UNC5C: variants seen among roughly 807,000 people sequenced by gnomAD.
UNC5C encodes the protein unc-5 netrin receptor C, also known as netrin receptor UNC5C.
Under a neutral mutation model 99.8 loss-of-function variants are expected in UNC5C, and 47 were observed. The observed-to-expected ratio is 0.47, with a 90% CI of 0.37 to 0.60. The LOEUF (loss-of-function observed/expected upper bound fraction) is 0.60. Among genes scored for constraint, UNC5C ranks in the 20% least tolerant of loss-of-function variants. UNC5C has a pLI of 0.00. For missense variants in UNC5C, 1,062 were observed against 1,165.9 expected (o/e 0.91, Z 1.30); for synonymous variants, 487 against 452.2 (o/e 1.08, Z -0.98).
At position 95,164,934 on chromosome 4, in the gene UNC5C, C is replaced by A. The variant is rs1282503543; in HGVS notation, c.*4300G>T. 1.3e-5 allele frequency: 2 copies of A among 152,246 alleles called. No individual in the cohort carries two copies. The highest frequency in any genetic ancestry group is 2.9e-5 in the Non-Finnish European group (2 of 68,042). 9.4% of individuals were successfully genotyped at this position (152,246 alleles called of 1,614,324 possible). A position where few individuals can be genotyped will look rare whatever the true frequency, so the allele number is the denominator to read the frequency against. ...ATATAGGTTTATATTTTCCTGGCCC[C>A]ATAGGGGCAGACCTTATAGAGGCAA... On this transcript the variant is annotated 3_prime_UTR_variant, in exon 16 of 16. Coordinates refer to ENST00000453304, the MANE Select transcript of UNC5C (RefSeq NM_003728.4).
At chr4:95,179,015 A>T (rs1384335645) in intron 14 of UNC5C, among the ~76,000 whole-genome samples, 1 of 152,250 alleles carries the variant, frequency 6.6e-6, no homozygotes, top group African/African-American at 2.4e-5. Context: ...TCCAGGTAAA[A>T]GTAGAGTTTA....
At chr4:95,256,987 T>TA (rs2149384811) in intron 4 of UNC5C, among the ~76,000 whole-genome samples, 1 of 152,050 alleles carries the variant, frequency 6.6e-6, no homozygotes, top group Non-Finnish European at 1.5e-5. Flanking sequence ...AGATAGATGG[T>TA]GCTCACCCAG....
rs1364941429 is a variant in UNC5C, at chr4:95,392,429, CATT to C, written c.125-56801_125-56799del. 7.1e-4 allele frequency among the ~76,000 whole-genome samples: 82 copies of C among 115,330 alleles called. 1 individual carries two copies. The highest frequency in any genetic ancestry group is 2.0e-3 in the African/African-American group (53 of 26,530). The allele number at this position is 115,330 out of a possible 152,430, so 75.7% of individuals were successfully genotyped here. The stretch of plus-strand genomic sequence containing the variant: ...TTTTTAAGAGTTTGAAGTATCAAAA[CATT>C]TTTTTTTTTTTTAAAAAAAAAACAG... On this transcript the variant is annotated intron_variant, in intron 1 of 15. Transcript: ENST00000453304.
intron 7 of UNC5C, among the ~76,000 whole-genome samples, chr4:95,228,877 A>G (rs2149372132): frequency 6.6e-6 from 1 of 152,266 alleles, no homozygotes; most frequent in Admixed American, 6.5e-5. Context: ...AAAATTTCCA[A>G]ACAGTGTCTT....
chr4:95,193,690 G>A (rs948834388), intron 12 of UNC5C, among the ~76,000 whole-genome samples: 3 of 152,144 alleles, frequency 2.0e-5, no homozygotes, highest in Non-Finnish European at 4.4e-5. Context: ...AGCTGTGGGG[G>A]CCTGCACTCC....
At position 95,169,178 on chromosome 4, in the gene UNC5C, A is replaced by G. The variant is rs1281138868; in HGVS notation, c.*56T>C. ...TCCTCCTCAGCTGTGATTCACCTGG[A>G]CGGCCACAGACTCCCTGTGCATTTT... On this transcript the variant is annotated 3_prime_UTR_variant, in exon 16 of 16. Transcript: ENST00000453304. 1.3e-6 allele frequency: 2 copies of G among 1,598,184 alleles called. No homozygotes were observed. Among genetic ancestry groups the G allele is most frequent in the Non-Finnish European group, 1.7e-6 (2 of 1,169,444 alleles).
chr4:95,495,026 G>A (rs1719626028), intron 1 of UNC5C, among the ~76,000 whole-genome samples: 1 of 151,478 alleles, frequency 6.6e-6, no homozygotes, highest in South Asian at 2.1e-4. Context: ...AGTTGTGCAT[G>A]TGAATCAATA....
intron 1 of UNC5C, among the ~76,000 whole-genome samples, chr4:95,476,736 T>C (rs1748161614): frequency 6.8e-6 from 1 of 147,122 alleles, no homozygotes; most frequent in Non-Finnish European, 1.5e-5. Flanking sequence ...ATACATATTA[T>C]TGCAGTAAGA....
In UNC5C at chr4:95,448,225, T is replaced by TGA. The variant is rs1260024385; in HGVS notation, c.124+100508_124+100509insTC. Among the ~76,000 whole-genome samples the TGA allele has an allele frequency of 8.1e-3, 851 of 105,612 alleles. 6 individuals are homozygous for TGA. Among genetic ancestry groups the TGA allele is most frequent in the African/African-American group, 0.018 (468 of 25,912 alleles). The allele number at this position is 105,612 out of a possible 152,430, so 69.3% of individuals were successfully genotyped here. A position where few individuals can be genotyped will look rare whatever the true frequency, so the allele number is the denominator to read the frequency against. On this transcript the variant is annotated intron_variant, in intron 1 of 15. Transcript: ENST00000453304. ...CTGTGTGTGTGTGTGTGTGTGTGTGTGTGAGAGAGAGAGAGAGAGAGAGAG... is the reference window on the plus strand; with the variant it reads ...CTGTGTGTGTGTGTGTGTGTGTGTGTGAGTGAGAGAGAGAGAGAGAGAGAGAG...
chr4:95,497,716 A>C (rs1314751292), intron 1 of UNC5C, among the ~76,000 whole-genome samples: 1 of 152,042 alleles, frequency 6.6e-6, no homozygotes, highest in African/African-American at 2.4e-5. Flanking sequence ...ATTTAAAAAT[A>C]GATGTTTTTG....
intron 1 of UNC5C, among the ~76,000 whole-genome samples, chr4:95,446,114 C>T (rs183115633): frequency 3.3e-5 from 5 of 152,010 alleles, no homozygotes; most frequent in Non-Finnish European, 4.4e-5. Flanking sequence ...TCATTCAGAA[C>T]TCATCTGTTC....
chr4:95,530,468 A>C (rs9993458), intron 1 of UNC5C, among the ~76,000 whole-genome samples: 24,023 of 152,182 alleles, frequency 0.16, 2,050 homozygotes, highest in Admixed American at 0.24. Context: ...AAGAAAAATA[A>C]AATTCTTCAT....
At chr4:95,192,474 C>T (rs1185995618) in intron 12 of UNC5C, among the ~76,000 whole-genome samples, 2 of 138,090 alleles carry the variant, frequency 1.4e-5, no homozygotes, top group African/African-American at 5.5e-5. Flanking sequence ...TCACCTCCTC[C>T]CCTTCTCACC....
At chr4:95,517,442 A>G (rs915511507) in intron 1 of UNC5C, among the ~76,000 whole-genome samples, 1 of 152,204 alleles carries the variant, frequency 6.6e-6, no homozygotes, top group African/African-American at 2.4e-5. Flanking sequence ...AGGGAGTCCC[A>G]TCTGTATCAT....
At chr4:95,416,852 C>G (rs541462997) in intron 1 of UNC5C, among the ~76,000 whole-genome samples, 78 of 152,224 alleles carry the variant, frequency 5.1e-4, no homozygotes, top group African/African-American at 1.6e-3. Context: ...AGCAGAGTGC[C>G]CATCCTGTCA....
At chr4:95,336,690 C>T (rs529226718) in intron 1 of UNC5C, among the ~76,000 whole-genome samples, 7 of 151,898 alleles carry the variant, frequency 4.6e-5, no homozygotes, top group South Asian at 2.1e-4. Context: ...TAATGATGTC[C>T]GGTCTCTGCT....
chr4:95,350,591 T>C (rs1005171448), intron 1 of UNC5C, among the ~76,000 whole-genome samples: 2 of 152,074 alleles, frequency 1.3e-5, no homozygotes, highest in African/African-American at 4.8e-5. Flanking sequence ...AAAAAAAGAT[T>C]ACCCATAGGA....
chr4:95,230,075 T>C (rs1247245488), intron 7 of UNC5C, among the ~76,000 whole-genome samples: 3 of 152,112 alleles, frequency 2.0e-5, no homozygotes, highest in Admixed American at 2.0e-4. Flanking sequence ...CCTCCCAAAG[T>C]GCTGGGATTA....
intron 4 of UNC5C, among the ~76,000 whole-genome samples, chr4:95,260,038 C>G (rs1740161958): frequency 6.6e-6 from 1 of 152,126 alleles, no homozygotes; most frequent in South Asian, 2.1e-4. Context: ...CCAGCCACCT[C>G]TGCTTTCCCT....
Sources: allele counts gnomAD v4.1 joint callset (sites outside exome capture counted in the v4.1 genomes callset), GRCh38; gene constraint gnomAD v4.1.1; transcripts MANE v1.5; gene names NCBI Gene and HGNC (gene_info 2026-07-23, HGNC 2026-07-21).